The following SH3RF3 variants were observed in gnomAD, a reference collection of about 807,000 sequenced individuals.
The protein encoded by SH3RF3 is SH3 domain containing ring finger 3.
SH3RF3 carries 29 observed loss-of-function variants against 66.3 expected under a neutral mutation model. The observed-to-expected ratio is 0.44, with a 90% confidence interval of 0.33 to 0.60. The LOEUF (loss-of-function observed/expected upper bound fraction) is 0.60. Among genes scored for constraint, SH3RF3 ranks in the 20% least tolerant of loss-of-function variants. The pLI, the probability that SH3RF3 is intolerant of heterozygous loss-of-function variation, is 0.04. For missense variants in SH3RF3, 1,194 were observed against 1,190.9 expected, an observed-to-expected ratio of 1.00 and a Z score of -0.04; for synonymous variants, 583 against 532.0, an observed-to-expected ratio of 1.10 and a Z score of -1.32.
intron 4 of SH3RF3, among the ~76,000 whole-genome samples, chr2:109,403,543 C>T (rs1302482945): frequency 6.6e-6 from 1 of 152,246 alleles, no homozygotes; most frequent in East Asian, 1.9e-4. Context: ...CCAGTTTACT[C>T]CATAAAATGC....
At chr2:109,295,688 G>A (rs1039466118) in intron 1 of SH3RF3, among the ~76,000 whole-genome samples, 1 of 152,168 alleles carries the variant, frequency 6.6e-6, no homozygotes, top group South Asian at 2.1e-4. Flanking sequence ...TCAGGAGGCC[G>A]GCATTTGGGG....
intron 8 of SH3RF3, among the ~76,000 whole-genome samples, chr2:109,488,594 C>A (rs1679042255): frequency 6.6e-6 from 1 of 152,212 alleles, no homozygotes; most frequent in Non-Finnish European, 1.5e-5. Context: ...TGCCCCCGAC[C>A]CCTCACGGTT....
At chr2:109,195,097 A>G (rs536311916) in intron 1 of SH3RF3, among the ~76,000 whole-genome samples, 16 of 152,344 alleles carry the variant, frequency 1.1e-4, no homozygotes, top group Admixed American at 9.8e-4. Context: ...AAAGAAGAGC[A>G]TTTTACACCT....
intron 5 of SH3RF3, among the ~76,000 whole-genome samples, chr2:109,425,937 G>A (rs778029890): frequency 1.5e-4 from 23 of 151,772 alleles, no homozygotes; most frequent in African/African-American, 1.9e-4. Flanking sequence ...TCACTCTGTC[G>A]TCCAGGCTGG....
chr2:109,412,362 T>C (rs1676614809), intron 4 of SH3RF3, among the ~76,000 whole-genome samples: 1 of 152,216 alleles, frequency 6.6e-6, no homozygotes, highest in Non-Finnish European at 1.5e-5. Flanking sequence ...ACCCTCCCAG[T>C]GTGGCCCCAG....
intron 5 of SH3RF3, among the ~76,000 whole-genome samples, chr2:109,430,676 C>T (rs555692694): frequency 3.9e-5 from 6 of 152,312 alleles, no homozygotes; most frequent in African/African-American, 9.6e-5. Flanking sequence ...GGTATTTCCT[C>T]TATGGTGATG....
chr2:109,296,978 A>G (rs1270512453), intron 1 of SH3RF3, among the ~76,000 whole-genome samples: 2 of 151,948 alleles, frequency 1.3e-5, no homozygotes, highest in African/African-American at 4.8e-5. Context: ...TGATTTACCT[A>G]TTTCCTCCTC....
At chr2:109,432,140 TC>T (rs1677243161) in intron 5 of SH3RF3, among the ~76,000 whole-genome samples, 1 of 152,108 alleles carries the variant, frequency 6.6e-6, no homozygotes. Flanking sequence ...ACACTGGAAA[TC>T]CAAAGAGCTG....
chr2:109,147,959 T>A (rs1009499311), intron 1 of SH3RF3, among the ~76,000 whole-genome samples: 2 of 152,218 alleles, frequency 1.3e-5, no homozygotes, highest in African/African-American at 4.8e-5. Flanking sequence ...AGCTCATTTC[T>A]GCTGATCTTT....
intron 1 of SH3RF3, among the ~76,000 whole-genome samples, chr2:109,289,162 CCT>C (rs1421487509): frequency 6.6e-6 from 1 of 151,912 alleles, no homozygotes; most frequent in Admixed American, 6.6e-5. Flanking sequence ...TCCTCCATCC[CCT>C]GTCTCTCTCT....
chr2:109,478,403 C>T (rs562358324), intron 8 of SH3RF3, among the ~76,000 whole-genome samples: 1 of 152,352 alleles, frequency 6.6e-6, no homozygotes, highest in South Asian at 2.1e-4. Flanking sequence ...CCTCCAGTCT[C>T]TAAACACCCC....
intron 4 of SH3RF3, among the ~76,000 whole-genome samples, chr2:109,414,090 G>A (rs1204341092): frequency 6.6e-6 from 1 of 152,154 alleles, no homozygotes; most frequent in Non-Finnish European, 1.5e-5. Context: ...TCTGTTTATT[G>A]GGCTGCCCCA....
chr2:109,350,894 C>T (rs151115729), intron 2 of SH3RF3, among the ~76,000 whole-genome samples: 258 of 152,320 alleles, frequency 1.7e-3, no homozygotes, highest in Middle Eastern at 3.4e-3. Flanking sequence ...CTGAAAGCTA[C>T]AATGGTATAA....
intron 1 of SH3RF3, among the ~76,000 whole-genome samples, chr2:109,156,590 T>C (rs937416476): frequency 1.3e-5 from 2 of 151,910 alleles, no homozygotes; most frequent in Non-Finnish European, 2.9e-5. Context: ...AGATTACAGG[T>C]GTCCACCACT....
intron 9 of SH3RF3, among the ~76,000 whole-genome samples, chr2:109,497,117 T>C (rs1268460277): frequency 6.6e-6 from 1 of 152,254 alleles, no homozygotes; most frequent in African/African-American, 2.4e-5. Context: ...GGAACTATAA[T>C]ATATTTTTAT....
chr2:109,241,873 C>T (rs1323864756), intron 1 of SH3RF3, among the ~76,000 whole-genome samples: 1 of 151,706 alleles, frequency 6.6e-6, no homozygotes, highest in Non-Finnish European at 1.5e-5. Flanking sequence ...TCACGCCATT[C>T]TCCTGCCTCA....
chr2:109,197,348 A>G (rs1242615905), intron 1 of SH3RF3, among the ~76,000 whole-genome samples: 1 of 152,134 alleles, frequency 6.6e-6, no homozygotes, highest in African/African-American at 2.4e-5. Context: ...AAGGGAAGGG[A>G]AGGGCCAGAC....
rs529510878 is a variant in SH3RF3, at chr2:109,430,330, C to G, written c.1404-2171C>G. On this transcript the variant is annotated intron_variant, in intron 5 of 9. Transcript: ENST00000309415. ...TGTATTTCTCTGAGAGCAGGCACAT[C>G]AATTTGTGCGTCATTGTTACTGATT... 6.6e-5 allele frequency among the ~76,000 whole-genome samples: 10 copies of G among 152,352 alleles called. No individual in the cohort carries two copies. In the South Asian group the frequency reaches 2.1e-3, roughly 32 times the overall value.
rs992118663 is a variant in SH3RF3 at position 109,191,457 on chromosome 2, C to T, written c.573+61344C>T. On this transcript the variant is annotated intron_variant, in intron 1 of 9. Coordinates refer to ENST00000309415, the MANE Select transcript of SH3RF3 (RefSeq NM_001099289.3). ...AGTTATAAATCAATGTGTTTGGGTG[C>T]GGCCAGGCTGTATTGTTGAGTGATT... 4.6e-5 allele frequency among the ~76,000 whole-genome samples: 7 copies of T among 152,148 alleles called. 1 individual carries two copies. Among genetic ancestry groups the T allele is most frequent in the African/African-American group, 9.7e-5 (4 of 41,432 alleles).
Sources: gnomAD v4.1 joint callset for allele counts (sites outside exome capture counted in the v4.1 genomes callset) on GRCh38, gnomAD v4.1.1 for gene constraint, MANE v1.5 for transcripts, NCBI Gene and HGNC (gene_info 2026-07-23, HGNC 2026-07-21) for gene names.